Variants in WDFY3 observed in about 807,000 individuals in gnomAD.
WDFY3 encodes the protein WD repeat and FYVE domain-containing protein 3.
WDFY3 carries 66 observed loss-of-function variants against 409.6 expected under a neutral mutation model. The observed-to-expected ratio is 0.16, with a 90% CI of 0.13 to 0.20. WDFY3 has a LOEUF of 0.20. Among genes scored for constraint, WDFY3 ranks in the 10% least tolerant of loss-of-function variants. WDFY3 has a pLI of 1.00. For synonymous variants in WDFY3, 1,521 were observed against 1,537.1 expected (o/e 0.99, Z 0.25); for missense variants, 3,031 against 4,298.1 (o/e 0.71, Z 8.24).
intron 60 of WDFY3, among the ~76,000 whole-genome samples, chr4:84,691,190 C>G (rs1729204574): frequency 6.6e-6 from 1 of 152,110 alleles, no homozygotes; most frequent in Admixed American, 6.5e-5. Flanking sequence ...CTTATGGGAC[C>G]CAAAACAGTT....
At chr4:84,899,978 G>A (rs1381808577) in intron 2 of WDFY3, among the ~76,000 whole-genome samples, 1 of 152,196 alleles carries the variant, frequency 6.6e-6, no homozygotes, top group Non-Finnish European at 1.5e-5. Flanking sequence ...GAGCCCAGGA[G>A]GCAGAGGCTA....
intron 61 of WDFY3, among the ~76,000 whole-genome samples, chr4:84,689,226 G>T (rs1409418866): frequency 2.0e-5 from 3 of 152,128 alleles, no homozygotes; most frequent in Admixed American, 1.3e-4. Flanking sequence ...ATACTTTTGA[G>T]AGAGAAAACT....
At position 84,841,179 on chromosome 4, in the gene WDFY3, A is replaced by G; in HGVS notation, c.389T>C (p.Ile130Thr). The G allele has an allele frequency of 6.2e-7, 1 of 1,610,648 alleles. No individual in the cohort carries two copies. Among genetic ancestry groups the G allele is most frequent in the Non-Finnish European group, 8.5e-7 (1 of 1,179,396 alleles). Residue 130 changes from isoleucine (I) to threonine (T), a missense_variant, in exon 6 of 68, where the codon ATT becomes ACT. Physicochemically the swap from Ile to Thr is moderately conservative, Grantham distance 89. Transcript: ENST00000295888. The stretch of plus-strand genomic sequence containing the variant: ...CTGACCAGAGGAAGCTAACAAATTA[A>G]TTGTCGTTAGAAGCATCCAGCCTCT... ...ASRGWMLLTT[I>T]NLLASSGQKT...
chr4:84,860,360 C>A, intron 4 of WDFY3, 52 bp downstream of exon 4: 1 of 1,546,066 alleles, frequency 6.5e-7, no homozygotes, highest in Non-Finnish European at 8.8e-7. Context: ...CCTTCAGATT[C>A]TTGTAGTGCC....
At chr4:84,739,146 T>C in intron 39 of WDFY3, 27 bp from the exon 40 acceptor site, 1 of 1,607,966 alleles carries the variant, frequency 6.2e-7, no homozygotes. Context: ...AGTTTAAACT[T>C]TATGAAGGAA....
intron 19 of WDFY3, among the ~76,000 whole-genome samples, chr4:84,795,669 G>A (rs1037263707): frequency 6.6e-6 from 1 of 152,116 alleles, no homozygotes; most frequent in African/African-American, 2.4e-5. Flanking sequence ...GGCTGAGGCA[G>A]GAGAAATGCT....
At chr4:84,843,625 C>T (rs1757684951) in intron 5 of WDFY3, among the ~76,000 whole-genome samples, 1 of 152,120 alleles carries the variant, frequency 6.6e-6, no homozygotes, top group Non-Finnish European at 1.5e-5. Context: ...TCTCAAACTC[C>T]TGAATTCAAG....
chr4:84,719,229 C>T (rs1488772050), intron 47 of WDFY3, among the ~76,000 whole-genome samples: 13 of 152,182 alleles, frequency 8.5e-5, no homozygotes, highest in Admixed American at 7.2e-4. Context: ...TGTTTCTATT[C>T]ATTCCCCACC....
intron 53 of WDFY3, among the ~76,000 whole-genome samples, 193 bp from the exon 54 acceptor site, chr4:84,705,704 G>T (rs1434522047): frequency 6.6e-6 from 1 of 152,172 alleles, no homozygotes; most frequent in Admixed American, 6.5e-5. Context: ...CAGGCACATG[G>T]GAGTTGGTTA....
At chr4:84,901,729 G>A (rs1766367362) in intron 2 of WDFY3, among the ~76,000 whole-genome samples, 1 of 152,124 alleles carries the variant, frequency 6.6e-6, no homozygotes, top group South Asian at 2.1e-4. Context: ...AATAATATGA[G>A]ATTTTTCCAG....
intron 5 of WDFY3, chr4:84,844,350 C>CA (rs920243839): frequency 6.9e-4 from 680 of 980,076 alleles, no homozygotes; most frequent in Middle Eastern, 8.0e-4. Context: ...TTGCCCCCTC[C>CA]AAAAAAAAAT....
chr4:84,775,173 TAAAAA>T, intron 27 of WDFY3, 35 bp from the exon 28 acceptor site: 1 of 1,585,978 alleles, frequency 6.3e-7, no homozygotes, highest in Non-Finnish European at 8.6e-7. Context: ...TATTTAAGGT[TAAAAA>T]AAATGCCCAA....
Position 84,789,806 on chromosome 4 carries a change from C to T in WDFY3, c.3589G>A (p.Val1197Ile). ...LIIEGQWHHLVLVMSKGMLKN... is the reference protein window; with the variant it reads ...LIIEGQWHHLILVMSKGMLKN... ...AACATGCCTTTGCTCATTACCAGGA[C>T]CAAATGATGCCACTGTCCCTCAATG... is the stretch of plus-strand genomic sequence containing the variant. The change falls in exon 22 of 68, where the codon GTC (valine) becomes ATC (isoleucine). Residue 1197 changes from valine to isoleucine, a missense_variant. Transcript: ENST00000295888. 6.2e-7 allele frequency: 1 copy of T among 1,614,026 alleles called. No homozygotes were observed. Among genetic ancestry groups the T allele is most frequent in the Non-Finnish European group, 8.5e-7 (1 of 1,180,006 alleles).
chr4:84,712,575 GCCAGGT>G (rs1733106978), intron 51 of WDFY3, among the ~76,000 whole-genome samples: 3 of 151,664 alleles, frequency 2.0e-5, no homozygotes, highest in African/African-American at 7.3e-5. Context: ...ACAAAAATTA[GCCAGGT>G]GTGGTGGCAG....
At chr4:84,813,730 T>TA (rs1179245321) in intron 13 of WDFY3, among the ~76,000 whole-genome samples, 4 of 152,068 alleles carry the variant, frequency 2.6e-5, no homozygotes, top group Non-Finnish European at 5.9e-5. Flanking sequence ...TACCAATATT[T>TA]AAAAAATCCA....
At chr4:84,902,227 C>T (rs1267794529) in intron 2 of WDFY3, among the ~76,000 whole-genome samples, 3 of 152,114 alleles carry the variant, frequency 2.0e-5, no homozygotes, top group Non-Finnish European at 4.4e-5. Flanking sequence ...GCAGACTGCC[C>T]ATGAGAAATC....
chr4:84,696,910 G>C, intron 56 of WDFY3, 87 bp from the exon 57 acceptor site: 1 of 1,196,590 alleles, frequency 8.4e-7, no homozygotes, highest in Non-Finnish European at 1.2e-6. Flanking sequence ...GAAATGGTGG[G>C]TTAGATTCAA....
intron 30 of WDFY3, among the ~76,000 whole-genome samples, chr4:84,770,660 C>T (rs1744524514): frequency 6.6e-6 from 1 of 152,046 alleles, no homozygotes; most frequent in Admixed American, 6.6e-5. Context: ...CAAGAAGAAC[C>T]CAAGATCCTC....
chr4:84,717,479 A>G (rs1734132633), intron 48 of WDFY3, among the ~76,000 whole-genome samples: 1 of 152,224 alleles, frequency 6.6e-6, no homozygotes, highest in African/African-American at 2.4e-5. Context: ...GTTGACAGTA[A>G]TTATTTGAAA....
Sources: allele counts gnomAD v4.1 joint callset (sites outside exome capture counted in the v4.1 genomes callset), GRCh38; gene constraint gnomAD v4.1.1; transcripts MANE v1.5; gene names NCBI Gene and HGNC (gene_info 2026-07-23, HGNC 2026-07-21).